Variants in ENPP4 observed in about 807,000 individuals in gnomAD.
ENPP4 encodes the protein bis(5'-adenosyl)-triphosphatase ENPP4.
Under a neutral mutation model 33.4 loss-of-function variants are expected in ENPP4, and 18 were observed. The ratio of observed to expected loss-of-function variants is 0.54; its 90% CI spans 0.37 to 0.80. The LOEUF (loss-of-function observed/expected upper bound fraction) is 0.80. Among genes scored for constraint, ENPP4 ranks in the 30% least tolerant of loss-of-function variants. The pLI, the probability that ENPP4 is intolerant of heterozygous loss-of-function variation, is 0.00. For synonymous variants in ENPP4, 172 were observed against 189.9 expected (o/e 0.91, Z 0.78); for missense variants, 480 against 541.7 (o/e 0.89, Z 1.13).
chr6:46,143,459 G>T lies in ENPP4; in HGVS notation c.1181G>T (p.Cys394Phe), dbSNP rs1027240924. ...PNNGTFGHTK[C>F]LLVDQWCINL... ...AATGGGACCTTTGGTCATACTAAGT[G>T]CTTGTTAGTTGACCAGTGGTGCATT... The change falls in exon 4 of 4, where the codon TGC becomes TTC. Residue 394 changes from cysteine (C) to phenylalanine (F), a missense_variant. This residue lies in a region of ENPP4 where 249 missense variants were observed against 251.8 expected (regional missense o/e 0.99). Transcript: ENST00000321037. 7 of 1,612,716 alleles carry T rather than the reference G, an allele frequency of 4.3e-6. No individual in the cohort carries two copies. Among genetic ancestry groups the T allele is most frequent in the Non-Finnish European group, 5.9e-6 (7 of 1,179,054 alleles).
chr6:46,131,766 T>C (rs1410624711), intron 1 of ENPP4, among the ~76,000 whole-genome samples: 3 of 151,792 alleles, frequency 2.0e-5, no homozygotes, highest in Non-Finnish European at 4.4e-5. Flanking sequence ...TAGTTTACAG[T>C]CCCACCAACA....
At position 46,140,330 on chromosome 6, in the gene ENPP4, A is replaced by G. The variant is rs1364828443; in HGVS notation, c.747A>G (p.Ile249Met). Residue 249 changes from isoleucine (I) to methionine (M), a missense_variant, in exon 2 of 4, where the codon ATA becomes ATG. Around this residue, in one of 3 missense-constraint regions of ENPP4, gnomAD observed 249 missense variants for 251.8 expected, o/e 0.99. Transcript: ENST00000321037. ...GMTQCSQDRL[I>M]NLDSCIDHSY... ...CCCAGTGTTCTCAGGACAGACTGAT[A>G]AACCTGGATTCCTGCATCGATCATT... is the stretch of plus-strand genomic sequence containing the variant. 1.9e-6 allele frequency: 3 copies of G among 1,611,862 alleles called. No individual in the cohort carries two copies. The highest frequency in any genetic ancestry group is 2.5e-6 in the Non-Finnish European group (3 of 1,178,762).
Position 46,144,635 on chromosome 6 carries a change from T to C in ENPP4, c.*995T>C, listed in dbSNP as rs1048076. ...TAACTCTCTCATGTTTGTTGTAACCTGAGGTATCCAAATGCTACAGAAAAA... is the reference window on the plus strand; with the variant it reads ...TAACTCTCTCATGTTTGTTGTAACCCGAGGTATCCAAATGCTACAGAAAAA... On this transcript the variant is annotated 3_prime_UTR_variant, in exon 4 of 4. Coordinates refer to ENST00000321037, the MANE Select transcript of ENPP4 (RefSeq NM_014936.5). The C allele has an allele frequency of 0.47, 120,897 of 258,144 alleles. 30,406 individuals carry two copies. The highest frequency in any genetic ancestry group is 0.67 in the South Asian group (3,889 of 5,786). The allele number at this position is 258,144 out of a possible 1,614,324, so 16.0% of individuals were successfully genotyped here. A position where few individuals can be genotyped will look rare whatever the true frequency, so the allele number is the denominator to read the frequency against.
At chr6:46,136,175 G>A (rs1179350911) in intron 1 of ENPP4, among the ~76,000 whole-genome samples, 2 of 151,976 alleles carry the variant, frequency 1.3e-5, no homozygotes, top group African/African-American at 4.8e-5. Flanking sequence ...ATTGATTAAA[G>A]TGTAAAGCCT....
At chr6:46,133,766 G>A (rs1763937362) in intron 1 of ENPP4, among the ~76,000 whole-genome samples, 1 of 152,096 alleles carries the variant, frequency 6.6e-6, no homozygotes, top group South Asian at 2.1e-4. Flanking sequence ...CTTGGAAACT[G>A]CTTGAGAACT....
At chr6:46,140,431 G>A (rs1764041767) in intron 2 of ENPP4, 22 bp downstream of exon 2, 2 of 1,395,976 alleles carry the variant, frequency 1.4e-6, no homozygotes, top group Non-Finnish European at 2.0e-6. Context: ...TTCAACTGAG[G>A]GATACTATTA....
chr6:46,138,574 G>A (rs1034767411), intron 1 of ENPP4, among the ~76,000 whole-genome samples: 5 of 151,590 alleles, frequency 3.3e-5, no homozygotes, highest in South Asian at 2.1e-4. Flanking sequence ...CCCTACCTCC[G>A]GCAACTCTCT....
intron 1 of ENPP4, among the ~76,000 whole-genome samples, chr6:46,137,713 A>C (rs1046346476): frequency 6.6e-6 from 1 of 151,746 alleles, no homozygotes; most frequent in African/African-American, 2.4e-5. Context: ...ACTCTGCATT[A>C]GTTTTGGTTA....
rs1021606521 is a variant in ENPP4, at chr6:46,140,045, C to A, written c.462C>A (p.Tyr154Ter). ...CCATCTCTTCCTATTTTATGAATTA[C>A]AACTCCTCAGTGTCATTTGAGGAAA... ...HDTISSYFMN[Y>*]NSSVSFEERL... The change falls in exon 2 of 4, where the codon TAC becomes TAA. Residue 154 changes from tyrosine (Y) to a stop codon, truncating the protein, a stop_gained. Transcript: ENST00000321037. LOFTEE classifies it high-confidence loss of function. The A allele has an allele frequency of 1.9e-6, 3 of 1,612,400 alleles. No homozygotes were observed. Among genetic ancestry groups the A allele is most frequent in the African/African-American group, 1.3e-5 (1 of 74,908 alleles).
chr6:46,131,768 C>A (rs1172065163), intron 1 of ENPP4, among the ~76,000 whole-genome samples: 2 of 151,712 alleles, frequency 1.3e-5, no homozygotes, highest in African/African-American at 4.8e-5. Flanking sequence ...GTTTACAGTC[C>A]CACCAACAGT....
At chr6:46,136,167 T>C (rs1343114628) in intron 1 of ENPP4, among the ~76,000 whole-genome samples, 2 of 152,028 alleles carry the variant, frequency 1.3e-5, no homozygotes, top group African/African-American at 2.4e-5. Context: ...AGAACAAAAT[T>C]GATTAAAGTG....
intron 1 of ENPP4, among the ~76,000 whole-genome samples, chr6:46,136,272 G>T (rs1202668236): frequency 6.6e-6 from 1 of 151,916 alleles, no homozygotes; most frequent in Non-Finnish European, 1.5e-5. Context: ...AAAAGTATAA[G>T]TTCTTTGTCC....
Position 46,145,849 on chromosome 6 carries a change from GTATT to G in ENPP4, c.*2216_*2219del, listed in dbSNP as rs1378481814. 6.6e-6 allele frequency: 1 copy of G among 151,770 alleles called. No homozygotes were observed. Among genetic ancestry groups the G allele is most frequent in the Non-Finnish European group, 1.5e-5 (1 of 67,812 alleles). The allele number at this position is 151,770 out of a possible 1,614,324, so 9.4% of individuals were successfully genotyped here. Reference sequence around the variant, plus strand: ...ATATGTTGATGGGACAAGAAGAATAGTATTTATTTAATAAAACATATATTATATT... The same window carrying G: ...ATATGTTGATGGGACAAGAAGAATAGTATTTAATAAAACATATATTATATT... On this transcript the variant is annotated 3_prime_UTR_variant, in exon 4 of 4. Transcript: ENST00000321037.
intron 1 of ENPP4, among the ~76,000 whole-genome samples, chr6:46,139,298 A>C (rs183239974): frequency 1.1e-3 from 169 of 151,864 alleles, no homozygotes; most frequent in African/African-American, 3.8e-3. Context: ...GCCTAGAAGG[A>C]GTATTGATGT....
chr6:46,130,249 C>T (rs1763871488), intron 1 of ENPP4, 60 bp downstream of exon 1: 1 of 152,278 alleles, frequency 6.6e-6, no homozygotes. Flanking sequence ...CTCTCCAGTC[C>T]CCTAGGGGCT....
At chr6:46,132,388 C>T (rs2127491632) in intron 1 of ENPP4, among the ~76,000 whole-genome samples, 1 of 152,278 alleles carries the variant, frequency 6.6e-6, no homozygotes, top group South Asian at 2.1e-4. Flanking sequence ...GCCAGTTTTC[C>T]CAGCACCATT....
chr6:46,141,037 CT>C lies in ENPP4; in HGVS notation c.827-6del, dbSNP rs760857224. On this transcript the variant is annotated splice_polypyrimidine_tract_variant and intron_variant, in intron 2 of 3. Transcript: ENST00000321037. ...TCATAACTTGTTTCCTTTGCTGTTT[CT>C]TTTTTTTTCTCAGATAGAACAGAGG... 1.1e-4 allele frequency: 161 copies of C among 1,502,910 alleles called. No individual in the cohort carries two copies. The highest frequency in any genetic ancestry group is 2.4e-4 in the African/African-American group (16 of 67,768). 93.1% of individuals were successfully genotyped at this position (1,502,910 alleles called of 1,614,324 possible). A position where few individuals can be genotyped will look rare whatever the true frequency, so the allele number is the denominator to read the frequency against.
chr6:46,130,735 A>G (rs956935024), intron 1 of ENPP4, among the ~76,000 whole-genome samples: 3 of 152,266 alleles, frequency 2.0e-5, no homozygotes, highest in Admixed American at 6.5e-5. Flanking sequence ...GGACTTAAAA[A>G]CAATGCTTCC....
chr6:46,139,968 AGATCAAGTGCT>A lies in ENPP4; in HGVS notation c.387_397del (p.Arg129SerfsTer8). Reference sequence around the variant, plus strand: ...GGTGACCAATCAGCTTCAGGAAAACAGATCAAGTGCTGCTGCTATGTGGCCTGGTACTGATG... The same window carrying A: ...GGTGACCAATCAGCTTCAGGAAAACAGCTGCTATGTGGCCTGGTACTGATG... On this transcript the variant is annotated frameshift_variant, in exon 2 of 4. Coordinates refer to ENST00000321037, the MANE Select transcript of ENPP4 (RefSeq NM_014936.5). LOFTEE classifies it high-confidence loss of function. 6.2e-7 allele frequency: 1 copy of A among 1,612,928 alleles called. No homozygotes were observed. The highest frequency in any genetic ancestry group is 8.5e-7 in the Non-Finnish European group (1 of 1,179,158).
Sources: gnomAD v4.1 joint callset for allele counts (sites outside exome capture counted in the v4.1 genomes callset) on GRCh38, gnomAD v4.1.1 for gene constraint, gnomAD v4.1.1 regional missense constraint, MANE v1.5 for transcripts, NCBI Gene and HGNC (gene_info 2026-07-23, HGNC 2026-07-21) for gene names.